The following LRMDA variants were observed in gnomAD, a reference collection of about 807,000 sequenced individuals.
LRMDA encodes the protein leucine-rich melanocyte differentiation-associated protein.
A neutral mutation model predicts 29.8 loss-of-function variants in LRMDA; 18 were observed. That is an observed-to-expected ratio of 0.60 (90% CI 0.42 to 0.90). The LOEUF (loss-of-function observed/expected upper bound fraction) is 0.90, where lower values mean the gene tolerates loss of function less well. LRMDA is among the 40% of genes least tolerant of loss of function. The pLI is 0.00. For missense variants in LRMDA, 273 were observed against 273.9 expected, an observed-to-expected ratio of 1.00 and a Z score of 0.02; for synonymous variants, 125 against 109.4, an observed-to-expected ratio of 1.14 and a Z score of -0.89.
chr10:76,254,300 T>TATACTATACTATACCATACCATACC (rs66939986), intron 5 of LRMDA, among the ~76,000 whole-genome samples: 33 of 90,620 alleles, frequency 3.6e-4, no homozygotes, highest in African/African-American at 6.4e-4. Flanking sequence ...TATACTATAC[T>TATACTATACTATACCATACCATACC]ATACCATACC....
At chr10:75,561,888 C>G (rs984829646) in intron 2 of LRMDA, among the ~76,000 whole-genome samples, 1 of 152,070 alleles carries the variant, frequency 6.6e-6, no homozygotes, top group African/African-American at 2.4e-5. Flanking sequence ...GCACCGTGGC[C>G]TGAGTGACAG....
intron 2 of LRMDA, among the ~76,000 whole-genome samples, chr10:75,793,802 T>C (rs1201494423): frequency 6.6e-6 from 1 of 152,216 alleles, no homozygotes; most frequent in Non-Finnish European, 1.5e-5. Flanking sequence ...AACTCCCAGC[T>C]GACTCTTGAT....
intron 6 of LRMDA, among the ~76,000 whole-genome samples, chr10:76,451,697 G>C (rs1451723797): frequency 8.5e-6 from 1 of 118,176 alleles, no homozygotes; most frequent in Non-Finnish European, 1.7e-5. Context: ...CAATCTTGTT[G>C]CCCTGGCTGG....
intron 5 of LRMDA, chr10:76,261,044 A>G (rs1159233587): frequency 6.8e-6 from 1 of 147,830 alleles, no homozygotes; most frequent in Non-Finnish European, 1.5e-5. Flanking sequence ...GGCTGGATTG[A>G]CTTGCGTTTC....
chr10:76,007,182 G>A (rs1847686595), intron 2 of LRMDA, among the ~76,000 whole-genome samples: 1 of 152,066 alleles, frequency 6.6e-6, no homozygotes, highest in South Asian at 2.1e-4. Context: ...GAGCCATTTT[G>A]TTCTCTGTAA....
chr10:76,077,520 C>A (rs921783536), intron 5 of LRMDA, among the ~76,000 whole-genome samples: 3 of 152,028 alleles, frequency 2.0e-5, no homozygotes, highest in Non-Finnish European at 4.4e-5. Flanking sequence ...TGAACTGAGA[C>A]AGATCACTTC....
At chr10:76,239,991 C>A (rs1020081463) in intron 5 of LRMDA, among the ~76,000 whole-genome samples, 6 of 151,888 alleles carry the variant, frequency 4.0e-5, no homozygotes, top group Admixed American at 2.0e-4. Flanking sequence ...ACACTATATA[C>A]AGTTTTATTG....
At chr10:76,234,391 G>C (rs1852113734) in intron 5 of LRMDA, among the ~76,000 whole-genome samples, 1 of 152,190 alleles carries the variant, frequency 6.6e-6, no homozygotes, top group Non-Finnish European at 1.5e-5. Flanking sequence ...AGTAGATTTA[G>C]CGTAATTCTT....
chr10:75,808,777 G>A (rs1291574732), intron 2 of LRMDA, among the ~76,000 whole-genome samples: 1 of 152,132 alleles, frequency 6.6e-6, no homozygotes, highest in Non-Finnish European at 1.5e-5. Flanking sequence ...CAAAGTGCTG[G>A]GATTACAGGC....
chr10:76,412,263 A>G (rs568660039), intron 6 of LRMDA, among the ~76,000 whole-genome samples: 1 of 152,174 alleles, frequency 6.6e-6, no homozygotes, highest in Non-Finnish European at 1.5e-5. Context: ...TTAGCCTGGA[A>G]CAAATCTTGA....
At chr10:76,481,564 A>T (rs1215337037) in intron 6 of LRMDA, among the ~76,000 whole-genome samples, 4 of 151,950 alleles carry the variant, frequency 2.6e-5, no homozygotes, top group Non-Finnish European at 4.4e-5. Flanking sequence ...ATTTAAAAGA[A>T]ATAGCTAATT....
chr10:76,484,307 C>A (rs1015372033), intron 6 of LRMDA, among the ~76,000 whole-genome samples: 1 of 151,482 alleles, frequency 6.6e-6, no homozygotes, highest in Admixed American at 6.6e-5. Flanking sequence ...TTTAGAAGTT[C>A]TTTGCCTTTC....
chr10:75,709,382 G>A (rs999785375), intron 2 of LRMDA, among the ~76,000 whole-genome samples: 1 of 152,068 alleles, frequency 6.6e-6, no homozygotes, highest in East Asian at 1.9e-4. Flanking sequence ...GCATGCGTAT[G>A]TGTGCCTGTG....
intron 2 of LRMDA, among the ~76,000 whole-genome samples, chr10:75,558,707 G>C (rs61862490): frequency 0.068 from 10,018 of 147,262 alleles, 424 homozygotes; most frequent in Non-Finnish European, 0.11. Flanking sequence ...ACAGTCCCCA[G>C]AGTGTGATGT....
rs1852276443 is a variant in LRMDA, at chr10:76,241,488, G to T, written c.517-82913G>T. 2.6e-5 allele frequency among the ~76,000 whole-genome samples: 4 copies of T among 152,226 alleles called. No individual in the cohort carries two copies. The South Asian group carries it at 8.3e-4, about 32-fold the overall frequency. ...TTATTACCTGGAATTCTGCCATGAA[G>T]GATTTTCTTCCATATAGTAATTGCT... On this transcript the variant is annotated intron_variant, in intron 5 of 6. Coordinates refer to ENST00000611255, the MANE Select transcript of LRMDA (RefSeq NM_001305581.2).
chr10:75,850,923 A>G (rs1844721461), intron 2 of LRMDA, among the ~76,000 whole-genome samples: 1 of 152,208 alleles, frequency 6.6e-6, no homozygotes, highest in Non-Finnish European at 1.5e-5. Flanking sequence ...ATGAGAGAAC[A>G]TATTGTCTCA....
chr10:76,513,090 T>C (rs1453705509), intron 6 of LRMDA, among the ~76,000 whole-genome samples: 13 of 152,128 alleles, frequency 8.5e-5, no homozygotes, highest in Non-Finnish European at 2.9e-5. Context: ...TTATTACATA[T>C]AGATCAATGT....
intron 5 of LRMDA, among the ~76,000 whole-genome samples, chr10:76,248,066 C>G (rs141704001): frequency 6.6e-6 from 1 of 152,112 alleles, no homozygotes; most frequent in Non-Finnish European, 1.5e-5. Context: ...GTGTGGCCTG[C>G]AGAGATTCAG....
At chr10:75,461,867 T>C (rs1427992111) in intron 2 of LRMDA, among the ~76,000 whole-genome samples, 2 of 152,238 alleles carry the variant, frequency 1.3e-5, no homozygotes, top group Admixed American at 6.5e-5. Context: ...AAGGGGGCAT[T>C]GGCCAGAGCC....
Sources: allele counts gnomAD v4.1 joint callset (sites outside exome capture counted in the v4.1 genomes callset), GRCh38; gene constraint gnomAD v4.1.1; transcripts MANE v1.5; gene names NCBI Gene and HGNC (gene_info 2026-07-23, HGNC 2026-07-21).